Variants in ALG14 observed in about 807,000 individuals in gnomAD.
The protein encoded by ALG14 is ALG14 UDP-N-acetylglucosaminyltransferase subunit, also known as UDP-N-acetylglucosamine transferase subunit ALG14.
ALG14 carries 17 observed loss-of-function variants against 22.8 expected under a neutral mutation model. The observed-to-expected ratio is 0.75, with a 90% CI of 0.51 to 1.12. The LOEUF is 1.12. Ranked by LOEUF, ALG14 falls within the 50% of genes most tolerant of loss-of-function variation. ALG14 has a pLI of 0.00. For synonymous variants in ALG14, 89 were observed against 103.7 expected, an observed-to-expected ratio of 0.86 and a Z score of 0.86; for missense variants, 288 against 271.8, an observed-to-expected ratio of 1.06 and a Z score of -0.42.
In ALG14 at chr1:94,979,750, C is replaced by G. The variant is rs576986409; in HGVS notation, c.*3326G>C. 1 of 152,044 alleles carries G rather than the reference C, an allele frequency of 6.6e-6. No homozygotes were observed. The highest frequency in any genetic ancestry group is 2.1e-4 in the South Asian group (1 of 4,820). The allele number at this position is 152,044 out of a possible 1,614,324, so 9.4% of individuals were successfully genotyped here. On this transcript the variant is annotated 3_prime_UTR_variant, in exon 4 of 4. Coordinates refer to ENST00000370205, the MANE Select transcript of ALG14 (RefSeq NM_144988.4). ...CTAGCATTAGTTAACTACTCCAGTGCGAAAAGGAGGAGCTATGTCAAATTC... is the reference window on the plus strand; with the variant it reads ...CTAGCATTAGTTAACTACTCCAGTGGGAAAAGGAGGAGCTATGTCAAATTC...
chr1:94,998,021 A>G (rs1672953237), intron 3 of ALG14, among the ~76,000 whole-genome samples: 1 of 152,030 alleles, frequency 6.6e-6, no homozygotes, highest in Non-Finnish European at 1.5e-5. Flanking sequence ...TTTTAAGGGG[A>G]AAAGAGGTGG....
chr1:95,026,656 C>A (rs1211066937), intron 3 of ALG14, among the ~76,000 whole-genome samples: 1 of 138,030 alleles, frequency 7.2e-6, no homozygotes, highest in African/African-American at 3.0e-5. Context: ...AGGCCAGGCG[C>A]AGTGGCTCAT....
chr1:95,032,815 T>G (rs1674054923), intron 2 of ALG14, among the ~76,000 whole-genome samples: 1 of 152,198 alleles, frequency 6.6e-6, no homozygotes, highest in South Asian at 2.1e-4. Context: ...GGTTACTTGA[T>G]GTCCTGTGTC....
intron 2 of ALG14, among the ~76,000 whole-genome samples, chr1:95,029,323 A>G (rs1053411259): frequency 9.9e-5 from 15 of 152,222 alleles, no homozygotes; most frequent in Non-Finnish European, 2.9e-5. Context: ...TAGCCTCTTA[A>G]AAGTAAGTGC....
intron 3 of ALG14, among the ~76,000 whole-genome samples, chr1:95,000,777 TAAAA>T (rs56810994): frequency 3.1e-5 from 2 of 65,226 alleles, no homozygotes; most frequent in East Asian, 4.5e-4. Flanking sequence ...TATGCCACAC[TAAAA>T]AAAAAAAAAA....
chr1:95,058,560 T>C (rs753072693), intron 2 of ALG14, among the ~76,000 whole-genome samples: 66 of 145,038 alleles, frequency 4.6e-4, no homozygotes, highest in Non-Finnish European at 8.3e-4. Context: ...GAGGTTGTAG[T>C]GAGCCGAGAT....
intron 1 of ALG14, among the ~76,000 whole-genome samples, chr1:95,068,840 G>A (rs1675465154): frequency 6.6e-6 from 1 of 152,134 alleles, no homozygotes; most frequent in South Asian, 2.1e-4. Flanking sequence ...TCCACCAAAT[G>A]TAACACTATC....
At chr1:95,065,095 A>G in intron 1 of ALG14, 78 bp from the exon 2 acceptor site, 1 of 1,310,648 alleles carries the variant, frequency 7.6e-7, no homozygotes, top group Non-Finnish European at 1.0e-6. Flanking sequence ...TACCAATATC[A>G]TGGTTTCAGG....
At chr1:95,042,655 T>C (rs1282423993) in intron 2 of ALG14, among the ~76,000 whole-genome samples, 3 of 152,266 alleles carry the variant, frequency 2.0e-5, no homozygotes, top group African/African-American at 7.2e-5. Context: ...ACTGCTCCAC[T>C]GTACTTCTGA....
At chr1:95,050,022 T>C (rs962498245) in intron 2 of ALG14, among the ~76,000 whole-genome samples, 1 of 152,258 alleles carries the variant, frequency 6.6e-6, no homozygotes, top group Non-Finnish European at 1.5e-5. Context: ...TTAACATTTC[T>C]AATTTGTATC....
intron 3 of ALG14, among the ~76,000 whole-genome samples, chr1:95,015,088 G>A (rs1439910115): frequency 6.6e-6 from 1 of 152,162 alleles, no homozygotes; most frequent in East Asian, 1.9e-4. Flanking sequence ...TGGGTTGGGA[G>A]CAAGTCAGGG....
At chr1:95,041,124 T>C (rs564882651) in intron 2 of ALG14, among the ~76,000 whole-genome samples, 73 of 152,342 alleles carry the variant, frequency 4.8e-4, no homozygotes, top group African/African-American at 1.7e-3. Flanking sequence ...AGAATCTCTA[T>C]TTGCAGTAAA....
chr1:95,001,118 T>C (rs761643199), intron 3 of ALG14, among the ~76,000 whole-genome samples: 15 of 152,216 alleles, frequency 9.9e-5, no homozygotes, highest in Admixed American at 2.0e-4. Context: ...AACCCTCCTG[T>C]TTCCGTGGAG....
At chr1:94,996,545 T>G (rs12036045) in intron 3 of ALG14, among the ~76,000 whole-genome samples, 25,081 of 152,204 alleles carry the variant, frequency 0.16, 2,619 homozygotes, top group East Asian at 0.47. Flanking sequence ...TGCCAGATAT[T>G]GGAGAACTCA....
chr1:94,990,853 A>C (rs979973628), intron 3 of ALG14, among the ~76,000 whole-genome samples: 3 of 152,266 alleles, frequency 2.0e-5, no homozygotes, highest in Non-Finnish European at 4.4e-5. Flanking sequence ...CAAAAAAATA[A>C]CTGAGAAGAA....
rs1672356886 is a variant in ALG14 at position 94,974,420 on chromosome 1, C to G, written c.*8656G>C. 1 of 151,978 alleles carries G rather than the reference C, an allele frequency of 6.6e-6. No individual in the cohort carries two copies. Among genetic ancestry groups the G allele is most frequent in the Non-Finnish European group, 1.5e-5 (1 of 68,016 alleles). 9.4% of individuals were successfully genotyped at this position (151,978 alleles called of 1,614,324 possible). ...AACACATGACTTCTGTTTAAATGCT[C>G]AAGTTTATTAGAGTGGAAAAAAATC... is the stretch of plus-strand genomic sequence containing the variant. On this transcript the variant is annotated 3_prime_UTR_variant, in exon 4 of 4. Coordinates refer to ENST00000370205, the MANE Select transcript of ALG14 (RefSeq NM_144988.4).
chr1:95,026,549 C>G (rs1642663288), intron 3 of ALG14, among the ~76,000 whole-genome samples: 1 of 150,648 alleles, frequency 6.6e-6, no homozygotes, highest in African/African-American at 2.4e-5. Flanking sequence ...TTGGAGCAGT[C>G]AGAACACATA....
intron 2 of ALG14, among the ~76,000 whole-genome samples, chr1:95,050,606 C>G (rs1674714895): frequency 6.6e-6 from 1 of 151,988 alleles, no homozygotes; most frequent in South Asian, 2.1e-4. Flanking sequence ...TTGCCACAAA[C>G]AAGAAGAAAA....
At chr1:95,051,953 C>T (rs1032895694) in intron 2 of ALG14, among the ~76,000 whole-genome samples, 3 of 152,096 alleles carry the variant, frequency 2.0e-5, no homozygotes, top group Non-Finnish European at 4.4e-5. Flanking sequence ...ACCTAATTAT[C>T]TGGTTTATTA....
Sources: allele counts gnomAD v4.1 joint callset (sites outside exome capture counted in the v4.1 genomes callset), GRCh38; gene constraint gnomAD v4.1.1; transcripts MANE v1.5; gene names NCBI Gene and HGNC (gene_info 2026-07-23, HGNC 2026-07-21).